The following CALN1 variants were observed in gnomAD, a reference collection of about 807,000 sequenced individuals.
CALN1 encodes the protein calneuron 1.
CALN1 carries 17 observed loss-of-function variants against 30.6 expected under a neutral mutation model. That is an observed-to-expected ratio of 0.56 (90% confidence interval 0.38 to 0.83). The LOEUF (loss-of-function observed/expected upper bound fraction) is 0.83. Ranked by LOEUF, CALN1 falls within the 40% of genes least tolerant of loss-of-function variation. The probability of loss-of-function intolerance (pLI) is 0.00; values close to 1 mark genes in which losing one functional copy is unlikely to be tolerated. For missense variants in CALN1, 291 were observed against 354.9 expected (o/e 0.82, Z 1.45); for synonymous variants, 156 against 131.4 (o/e 1.19, Z -1.28).
chr7:71,952,298 G>A (rs1327382053), intron 5 of CALN1, among the ~76,000 whole-genome samples: 1 of 152,134 alleles, frequency 6.6e-6, no homozygotes, highest in Non-Finnish European at 1.5e-5. Flanking sequence ...CGCCTCAACA[G>A]CGGCTCAGTG....
At chr7:72,205,660 C>T (rs1415238679) in intron 3 of CALN1, among the ~76,000 whole-genome samples, 3 of 142,346 alleles carry the variant, frequency 2.1e-5, no homozygotes, top group Non-Finnish European at 3.0e-5. Flanking sequence ...TAACGTTTTC[C>T]TTTTTTAATG....
intron 2 of CALN1, among the ~76,000 whole-genome samples, chr7:72,295,897 T>A (rs1345051248): frequency 2.0e-5 from 3 of 151,752 alleles, no homozygotes; most frequent in Non-Finnish European, 4.4e-5. Flanking sequence ...CTTCCAACAC[T>A]ATGTTGAATA....
intron 2 of CALN1, among the ~76,000 whole-genome samples, chr7:72,287,673 C>G (rs890285375): frequency 1.3e-4 from 20 of 152,094 alleles, no homozygotes; most frequent in African/African-American, 3.4e-4. Flanking sequence ...GTCTTGATCT[C>G]CTGACCTCGT....
chr7:72,139,327 C>T (rs979212824), intron 3 of CALN1, among the ~76,000 whole-genome samples: 32 of 149,276 alleles, frequency 2.1e-4, no homozygotes, highest in African/African-American at 3.7e-4. Flanking sequence ...ACCTCAGCCA[C>T]GCCCAACCTC....
chr7:72,272,089 A>C lies in CALN1; in HGVS notation c.244+6597T>G, dbSNP rs116842908. On this transcript the variant is annotated intron_variant, in intron 3 of 6. Coordinates refer to ENST00000395275, the MANE Select transcript of CALN1 (RefSeq NM_031468.4). ...AAAAAAAAAAAAAGTCATCTAGAGG[A>C]GGCAAATAGGGGCTCCTAGAGAAAA... 2.7e-3 allele frequency among the ~76,000 whole-genome samples: 403 copies of C among 148,974 alleles called. 11 individuals are homozygous for C. In the East Asian group the frequency reaches 0.06, roughly 22 times the overall value.
At chr7:72,131,933 A>G (rs1207082158) in intron 3 of CALN1, among the ~76,000 whole-genome samples, 1 of 152,066 alleles carries the variant, frequency 6.6e-6, no homozygotes, top group Non-Finnish European at 1.5e-5. Context: ...CCCATCCCAC[A>G]TGATTGTTGT....
intron 2 of CALN1, among the ~76,000 whole-genome samples, chr7:72,320,390 G>C (rs774727062): frequency 2.0e-5 from 3 of 152,150 alleles, no homozygotes; most frequent in Admixed American, 6.5e-5. Context: ...TGTTCCCCAG[G>C]TGCACATGCT....
intron 3 of CALN1, among the ~76,000 whole-genome samples, chr7:72,161,352 C>T (rs1386525721): frequency 2.0e-5 from 3 of 152,128 alleles, no homozygotes; most frequent in African/African-American, 7.2e-5. Flanking sequence ...GATAATCACC[C>T]AGCCCTGTCA....
intron 2 of CALN1, among the ~76,000 whole-genome samples, chr7:72,383,026 T>C (rs2129560928): frequency 6.6e-6 from 1 of 152,268 alleles, no homozygotes; most frequent in Non-Finnish European, 1.5e-5. Flanking sequence ...GACCTCATGA[T>C]CCACCCTCCT....
chr7:72,212,376 G>C lies in CALN1; in HGVS notation c.244+66310C>G, dbSNP rs962333343. 1.2e-4 allele frequency among the ~76,000 whole-genome samples: 18 copies of C among 151,040 alleles called. 1 individual carries two copies. The highest frequency in any genetic ancestry group is 7.9e-4 in the East Asian group (4 of 5,084). ...AAAAAAAAAAAAAAAAATACCAGAG[G>C]GGGGAAGAATCTACCCAATAGATAT... On this transcript the variant is annotated intron_variant, in intron 3 of 6. Transcript: ENST00000395275.
chr7:72,138,962 G>T (rs10230110), intron 3 of CALN1, among the ~76,000 whole-genome samples: 116 of 152,270 alleles, frequency 7.6e-4, no homozygotes, highest in African/African-American at 2.8e-3. Flanking sequence ...GAACGCATTC[G>T]AAAGCTTGCA....
chr7:72,413,895 C>T (rs1361727961), upstream of CALN1, among the ~76,000 whole-genome samples: 1 of 151,892 alleles, frequency 6.6e-6, no homozygotes, highest in East Asian at 1.9e-4. Flanking sequence ...CTCTTACATA[C>T]ATACACACGT....
At chr7:71,920,660 T>C (rs1055894115) in intron 5 of CALN1, among the ~76,000 whole-genome samples, 7 of 152,140 alleles carry the variant, frequency 4.6e-5, no homozygotes, top group African/African-American at 1.7e-4. Flanking sequence ...TTATGGACAG[T>C]TTCCTCAGTT....
intron 1 of CALN1, among the ~76,000 whole-genome samples, chr7:72,441,251 G>A (rs1217482997): frequency 1.3e-5 from 2 of 152,098 alleles, no homozygotes; most frequent in Non-Finnish European, 2.9e-5. Flanking sequence ...AAAGATCTGA[G>A]CAGACCTACA....
chr7:71,800,955 T>C (rs1264005437), intron 6 of CALN1, among the ~76,000 whole-genome samples: 1 of 152,180 alleles, frequency 6.6e-6, no homozygotes, highest in Non-Finnish European at 1.5e-5. Context: ...TTTATCCTGA[T>C]GCTCTCCCTC....
chr7:72,336,115 C>A (rs1361452405), intron 2 of CALN1, among the ~76,000 whole-genome samples: 1 of 152,216 alleles, frequency 6.6e-6, no homozygotes, highest in Admixed American at 6.5e-5. Context: ...CTGGCGCCCC[C>A]GGACTCGGGG....
chr7:72,490,983 G>A, the CALN1 span, among the ~76,000 whole-genome samples: 4 of 152,156 alleles, frequency 2.6e-5, no homozygotes, highest in African/African-American at 7.2e-5. Context: ...GGTGGCTCAC[G>A]CCTGTAATCC....
At chr7:72,411,180 G>A (rs1316296907) in intron 1 of CALN1, among the ~76,000 whole-genome samples, 1 of 151,958 alleles carries the variant, frequency 6.6e-6, no homozygotes, top group African/African-American at 2.4e-5. Flanking sequence ...AAAGGAAAAA[G>A]CAAAGCAATT....
At chr7:72,349,984 T>C (rs2968513) in intron 2 of CALN1, among the ~76,000 whole-genome samples, 54,201 of 152,098 alleles carry the variant, frequency 0.36, 10,540 homozygotes, top group Middle Eastern at 0.53. Context: ...GCTTTTGGCA[T>C]CTTTGTCATT....
Sources: allele counts gnomAD v4.1 joint callset (sites outside exome capture counted in the v4.1 genomes callset), GRCh38; gene constraint gnomAD v4.1.1; transcripts MANE v1.5; gene names NCBI Gene and HGNC (gene_info 2026-07-23, HGNC 2026-07-21).